DPY19L3: variants seen among roughly 807,000 people sequenced by gnomAD.
DPY19L3 encodes dpy-19 like C-mannosyltransferase 3, also known as protein C-mannosyl-transferase DPY19L3.
A neutral mutation model predicts 92.3 loss-of-function variants in DPY19L3; 51 were observed. That is an observed-to-expected ratio of 0.55 (90% CI 0.44 to 0.70). DPY19L3 has a LOEUF of 0.70. Ranked by LOEUF, DPY19L3 falls within the 30% of genes least tolerant of loss-of-function variation. The probability of loss-of-function intolerance (pLI) is 0.00; values close to 1 mark genes in which losing one functional copy is unlikely to be tolerated. For synonymous variants in DPY19L3, 309 were observed against 315.2 expected (o/e 0.98, Z 0.21); for missense variants, 706 against 855.9 (o/e 0.82, Z 2.18).
chr19:32,482,014 C>T (rs1457603042), intron 18 of DPY19L3, 65 bp from the exon 19 acceptor site: 9 of 1,561,462 alleles, frequency 5.8e-6, no homozygotes, highest in Non-Finnish European at 7.0e-6. Flanking sequence ...CCCATTCCTG[C>T]TCCTACTGTC....
intron 16 of DPY19L3, among the ~76,000 whole-genome samples, chr19:32,476,189 G>T (rs575966043): frequency 6.6e-6 from 1 of 152,228 alleles, no homozygotes; most frequent in South Asian, 2.1e-4. Flanking sequence ...CATCCTGGTG[G>T]GATGTATGAA....
intron 10 of DPY19L3, among the ~76,000 whole-genome samples, chr19:32,455,993 A>G (rs1223988321): frequency 1.3e-5 from 2 of 152,108 alleles, no homozygotes; most frequent in South Asian, 2.1e-4. Flanking sequence ...CCTTCTCCAC[A>G]AGAGAACTGT....
intron 3 of DPY19L3, among the ~76,000 whole-genome samples, chr19:32,423,884 G>A (rs1353652738): frequency 6.6e-6 from 1 of 151,754 alleles, no homozygotes; most frequent in Non-Finnish European, 1.5e-5. Flanking sequence ...ATGGTGGCAT[G>A]TGCCTATAGT....
At chr19:32,426,006 C>G (rs987512599) in intron 3 of DPY19L3, among the ~76,000 whole-genome samples, 3 of 152,240 alleles carry the variant, frequency 2.0e-5, no homozygotes, top group Admixed American at 6.5e-5. Flanking sequence ...AAGGCTGTTT[C>G]ATCTACATTG....
At chr19:32,472,712 TTTC>T (rs982958132) in intron 16 of DPY19L3, among the ~76,000 whole-genome samples, 8 of 152,158 alleles carry the variant, frequency 5.3e-5, no homozygotes, top group African/African-American at 1.9e-4. Flanking sequence ...TCCTGAAAAT[TTTC>T]TTCTGACATT....
At chr19:32,480,343 A>G in intron 17 of DPY19L3, 56 bp from the exon 18 acceptor site, 1 of 1,558,222 alleles carries the variant, frequency 6.4e-7, no homozygotes, top group East Asian at 2.3e-5. Context: ...TCACATAGTT[A>G]ACTCCCTGGC....
At chr19:32,472,273 T>G (rs1376608790) in intron 16 of DPY19L3, among the ~76,000 whole-genome samples, 1 of 152,158 alleles carries the variant, frequency 6.6e-6, no homozygotes, top group East Asian at 1.9e-4. Flanking sequence ...AGTTGCTCTT[T>G]TTTACAAGGA....
chr19:32,420,730 A>G (rs995335771), intron 3 of DPY19L3, among the ~76,000 whole-genome samples: 3 of 152,126 alleles, frequency 2.0e-5, no homozygotes, highest in Non-Finnish European at 4.4e-5. Flanking sequence ...GATTACAAGC[A>G]TGAGCCACCG....
intron 8 of DPY19L3, among the ~76,000 whole-genome samples, chr19:32,447,720 C>CATAGATAGATAGATAGATAGATAGATAG (rs56116714): frequency 7.6e-6 from 1 of 131,644 alleles, no homozygotes; most frequent in Non-Finnish European, 1.6e-5. Context: ...CCGTCTCATT[C>CATAGATAGATAGATAGATAGATAGATAG]ATAGATAGAT....
intron 2 of DPY19L3, among the ~76,000 whole-genome samples, chr19:32,409,505 T>C (rs142170332): frequency 1.3e-5 from 2 of 152,368 alleles, no homozygotes; most frequent in South Asian, 2.1e-4. Flanking sequence ...TTTAAAACTT[T>C]ATTTCCTTGG....
intron 3 of DPY19L3, among the ~76,000 whole-genome samples, chr19:32,415,466 A>G (rs944856113): frequency 2.0e-5 from 3 of 152,118 alleles, no homozygotes; most frequent in Non-Finnish European, 2.9e-5. Flanking sequence ...GGGAGAGGGG[A>G]TGTACTGGGA....
chr19:32,454,598 G>T (rs1196515109), intron 9 of DPY19L3, among the ~76,000 whole-genome samples: 3 of 152,024 alleles, frequency 2.0e-5, no homozygotes, highest in Non-Finnish European at 4.4e-5. Flanking sequence ...AAAAGAAAAA[G>T]ATGTAACAGT....
chr19:32,418,140 G>T (rs1347684371), intron 3 of DPY19L3, among the ~76,000 whole-genome samples: 1 of 152,306 alleles, frequency 6.6e-6, no homozygotes, highest in East Asian at 1.9e-4. Context: ...CATCTGGGAA[G>T]CTATAAAACA....
intron 3 of DPY19L3, among the ~76,000 whole-genome samples, chr19:32,422,551 G>A (rs1020512603): frequency 1.3e-5 from 2 of 151,724 alleles, no homozygotes; most frequent in Non-Finnish European, 2.9e-5. Flanking sequence ...GAAAGCAAGT[G>A]ACAATTGAGG....
In DPY19L3 at chr19:32,485,554, A is replaced by G. The variant is rs545337856; in HGVS notation, c.*3314A>G. 7.9e-5 allele frequency: 12 copies of G among 152,344 alleles called. No individual in the cohort carries two copies. The highest frequency in any genetic ancestry group is 2.9e-4 in the African/African-American group (12 of 41,586). The allele number at this position is 152,344 out of a possible 1,614,324, so 9.4% of individuals were successfully genotyped here. A position where few individuals can be genotyped will look rare whatever the true frequency, so the allele number is the denominator to read the frequency against. ...CCATATTGATTTTGTCTAAGATGTAAAAATTTGAGTTCATCTTTGGCCAAA... is the reference window on the plus strand; with the variant it reads ...CCATATTGATTTTGTCTAAGATGTAGAAATTTGAGTTCATCTTTGGCCAAA... On this transcript the variant is annotated 3_prime_UTR_variant, in exon 19 of 19. Coordinates refer to ENST00000392250, the MANE Select transcript of DPY19L3 (RefSeq NM_001172774.2).
At chr19:32,468,897 GT>G in intron 16 of DPY19L3, 84 bp downstream of exon 16, 1 of 1,339,252 alleles carries the variant, frequency 7.5e-7, no homozygotes, top group South Asian at 1.5e-5. Context: ...GGGGTTTTTT[GT>G]TTGTTTCTGA....
intron 8 of DPY19L3, among the ~76,000 whole-genome samples, chr19:32,446,542 A>G (rs1969504761): frequency 6.6e-6 from 1 of 152,240 alleles, no homozygotes; most frequent in African/African-American, 2.4e-5. Flanking sequence ...ACATGCAAGT[A>G]TCAATCAAAA....
In DPY19L3 at chr19:32,484,794, A is replaced by G. The variant is rs1421816191; in HGVS notation, c.*2554A>G. 1 of 152,208 alleles carries G rather than the reference A, an allele frequency of 6.6e-6. No individual in the cohort carries two copies. The highest frequency in any genetic ancestry group is 6.5e-5 in the Admixed American group (1 of 15,282). The allele number at this position is 152,208 out of a possible 1,614,324, so 9.4% of individuals were successfully genotyped here. On this transcript the variant is annotated 3_prime_UTR_variant, in exon 19 of 19. Transcript: ENST00000392250. The stretch of plus-strand genomic sequence containing the variant: ...TTAAGTATTCACATACACACAGAAA[A>G]TACGGGTGTGAAAAGAAAGAATTTT...
intron 3 of DPY19L3, among the ~76,000 whole-genome samples, chr19:32,429,304 A>G (rs1309377079): frequency 6.6e-6 from 1 of 152,232 alleles, no homozygotes; most frequent in African/African-American, 2.4e-5. Context: ...TTAGAGGATA[A>G]CTACTATTGG....
Sources: allele counts gnomAD v4.1 joint callset (sites outside exome capture counted in the v4.1 genomes callset), GRCh38; gene constraint gnomAD v4.1.1; transcripts MANE v1.5; gene names NCBI Gene and HGNC (gene_info 2026-07-23, HGNC 2026-07-21).